CHIC1: variants seen among roughly 807,000 people sequenced by gnomAD.
CHIC1 encodes the protein cysteine rich hydrophobic domain 1, also known as cysteine-rich hydrophobic domain-containing protein 1.
CHIC1 carries 7 observed loss-of-function variants against 18.5 expected under a neutral mutation model. The observed-to-expected ratio is 0.38, with a 90% CI of 0.22 to 0.71. CHIC1 has a LOEUF of 0.71. Ranked by LOEUF, CHIC1 falls within the 30% of genes least tolerant of loss-of-function variation. The pLI, the probability that CHIC1 is intolerant of heterozygous loss-of-function variation, is 0.49. For synonymous variants in CHIC1, 77 were observed against 73.5 expected, an observed-to-expected ratio of 1.05 and a Z score of -0.25; for missense variants, 159 against 176.9, an observed-to-expected ratio of 0.90 and a Z score of 0.57.
At chrX:73,646,659 T>G (rs1414958537) in intron 3 of CHIC1, among the ~76,000 whole-genome samples, 1 of 112,250 alleles carries the variant, frequency 8.9e-6, no homozygotes, top group Non-Finnish European at 1.9e-5. Flanking sequence ...AACTGAAACT[T>G]GTATGTTGAT....
rs375211970 is a variant in CHIC1 at position 73,644,779 on chromosome X, G to A, written c.508-34547G>A. Among the ~76,000 whole-genome samples, 15 of 110,620 alleles carry A rather than the reference G, an allele frequency of 1.4e-4. No homozygotes were observed. The East Asian group carries it at 2.3e-3, about 17-fold the overall frequency. ...GGAGTGACCCAATTTTCCAGGTGCCGTCTGTCATCCAGGTTTGCTGTTTTT... is the reference window on the plus strand; with the variant it reads ...GGAGTGACCCAATTTTCCAGGTGCCATCTGTCATCCAGGTTTGCTGTTTTT... On this transcript the variant is annotated intron_variant, in intron 3 of 5. Coordinates refer to ENST00000373502, the MANE Select transcript of CHIC1 (RefSeq NM_001039840.4).
chrX:73,676,309 G>T (rs2058062570), intron 3 of CHIC1, among the ~76,000 whole-genome samples: 2 of 111,998 alleles, frequency 1.8e-5, no homozygotes, highest in Admixed American at 9.4e-5. Context: ...TTCTCCTGGA[G>T]AATATCCTGG....
At chrX:73,586,380 A>T (rs923801081) in intron 3 of CHIC1, among the ~76,000 whole-genome samples, 2 of 111,775 alleles carry the variant, frequency 1.8e-5, no homozygotes, top group Non-Finnish European at 3.8e-5. Context: ...TGTGCAAGTC[A>T]CTGTTCTTTC....
chrX:73,606,816 G>A (rs1484153413), intron 3 of CHIC1, among the ~76,000 whole-genome samples: 4 of 109,177 alleles, frequency 3.7e-5, no homozygotes, highest in African/African-American at 1.1e-4. Context: ...GGAGGCTGCA[G>A]AATAGCAAAG....
chrX:73,680,898 A>G (rs2058095720), intron 5 of CHIC1, 57 bp from the exon 6 acceptor site: 7 of 625,781 alleles, frequency 1.1e-5, no homozygotes, highest in Non-Finnish European at 1.7e-5. Context: ...TGGGTTATTT[A>G]TAAGTTATAT....
intron 3 of CHIC1, among the ~76,000 whole-genome samples, chrX:73,672,748 G>C (rs2058038695): frequency 8.9e-6 from 1 of 111,842 alleles, no homozygotes; most frequent in South Asian, 3.7e-4. Context: ...TTCTTTTGCT[G>C]TGCAGAAGCT....
intron 1 of CHIC1, among the ~76,000 whole-genome samples, chrX:73,568,901 G>C (rs1279960948): frequency 9.0e-6 from 1 of 111,613 alleles, no homozygotes; most frequent in African/African-American, 3.2e-5. Context: ...TGCCTTTTCT[G>C]TAACAGTTGT....
chrX:73,676,736 A>G (rs916726201), intron 3 of CHIC1, among the ~76,000 whole-genome samples: 2 of 111,895 alleles, frequency 1.8e-5, no homozygotes, highest in African/African-American at 6.5e-5. Context: ...TCAACTTGTC[A>G]AAGTCATTCT....
chrX:73,619,789 T>C (rs1245456251), intron 3 of CHIC1, among the ~76,000 whole-genome samples: 1 of 111,235 alleles, frequency 9.0e-6, no homozygotes, highest in Non-Finnish European at 1.9e-5. Flanking sequence ...ACATGTGCCA[T>C]GGTGGTTTGC....
At chrX:73,586,861 T>C (rs1251551449) in intron 3 of CHIC1, among the ~76,000 whole-genome samples, 3 of 112,206 alleles carry the variant, frequency 2.7e-5, no homozygotes, top group Non-Finnish European at 5.6e-5. Context: ...TAGCAGTGGA[T>C]AGAAAACTTT....
chrX:73,671,772 A>G (rs1378045617), intron 3 of CHIC1, among the ~76,000 whole-genome samples: 4 of 99,343 alleles, frequency 4.0e-5, no homozygotes, highest in Non-Finnish European at 8.2e-5. Context: ...TTTTTTTTTA[A>G]TTTTATTATT....
At chrX:73,662,400 T>C (rs745373308) in intron 3 of CHIC1, among the ~76,000 whole-genome samples, 9 of 104,602 alleles carry the variant, frequency 8.6e-5, no homozygotes, top group Non-Finnish European at 1.4e-4. Context: ...GTTAACCCTA[T>C]TGGGGAATGT....
intron 3 of CHIC1, among the ~76,000 whole-genome samples, chrX:73,631,231 A>T (rs1353112162): frequency 4.5e-5 from 5 of 111,001 alleles, no homozygotes; most frequent in Non-Finnish European, 9.4e-5. Context: ...GTTTTTCTAG[A>T]TTCTATTTTA....
At chrX:73,644,296 T>TG (rs1431649578) in intron 3 of CHIC1, among the ~76,000 whole-genome samples, 2 of 112,108 alleles carry the variant, frequency 1.8e-5, no homozygotes, top group East Asian at 2.8e-4. Flanking sequence ...CTGCCCCTAC[T>TG]GGGGGGTGCC....
chrX:73,574,642 G>C (rs926716459), intron 1 of CHIC1, among the ~76,000 whole-genome samples: 8 of 110,190 alleles, frequency 7.3e-5, no homozygotes, highest in African/African-American at 2.6e-4. Flanking sequence ...AAATCTTCCT[G>C]ATTCAATCTT....
intron 3 of CHIC1, among the ~76,000 whole-genome samples, chrX:73,628,078 G>T (rs2057791826): frequency 8.9e-6 from 1 of 111,815 alleles, no homozygotes; most frequent in African/African-American, 3.3e-5. Context: ...GGTGTGTCTA[G>T]AAATGTCTAG....
chrX:73,607,289 A>T (rs1364091022), intron 3 of CHIC1, among the ~76,000 whole-genome samples: 1 of 107,821 alleles, frequency 9.3e-6, no homozygotes, highest in Non-Finnish European at 1.9e-5. Context: ...TGTGAGGGTA[A>T]AACTGTCTAC....
At chrX:73,570,918 T>C (rs2147538238) in intron 1 of CHIC1, among the ~76,000 whole-genome samples, 1 of 111,151 alleles carries the variant, frequency 9.0e-6, no homozygotes, top group East Asian at 2.8e-4. Context: ...TGAGAAGACA[T>C]TGAATTTGGC....
At chrX:73,676,648 A>T (rs969736578) in intron 3 of CHIC1, among the ~76,000 whole-genome samples, 81 of 110,949 alleles carry the variant, frequency 7.3e-4, no homozygotes, top group African/African-American at 2.6e-3. Flanking sequence ...TTTTTTTCAA[A>T]GCTTTTAACT....
Sources: allele counts gnomAD v4.1 joint callset (sites outside exome capture counted in the v4.1 genomes callset), GRCh38; gene constraint gnomAD v4.1.1; transcripts MANE v1.5; gene names NCBI Gene and HGNC (gene_info 2026-07-23, HGNC 2026-07-21).